The following MECOM variants were observed in gnomAD, a reference collection of about 807,000 sequenced individuals.
The protein encoded by MECOM is histone-lysine N-methyltransferase MECOM.
In MECOM, 13 loss-of-function variants were observed where a neutral mutation model predicts 116.3. The observed-to-expected ratio is 0.11, with a 90% CI of 0.07 to 0.18. MECOM has a LOEUF of 0.18. Ranked by LOEUF, MECOM falls within the 10% of genes least tolerant of loss-of-function variation. MECOM has a pLI of 1.00. For synonymous variants in MECOM, 528 were observed against 535.2 expected (o/e 0.99, Z 0.19); for missense variants, 1,299 against 1,509.0 (o/e 0.86, Z 2.31).
intron 2 of MECOM, among the ~76,000 whole-genome samples, chr3:169,329,889 A>G (rs1345049914): frequency 1.3e-5 from 2 of 152,234 alleles, no homozygotes; most frequent in African/African-American, 2.4e-5. Context: ...GAGGGGGTAG[A>G]GAAGTAAGCA....
chr3:169,630,143 G>T lies in MECOM; in HGVS notation c.37+33193C>A, dbSNP rs910077528. 2.6e-5 allele frequency among the ~76,000 whole-genome samples: 4 copies of T among 152,142 alleles called. 1 individual carries two copies. Among genetic ancestry groups the T allele is most frequent in the Non-Finnish European group, 5.9e-5 (4 of 68,020 alleles). Reference sequence around the variant, plus strand: ...TCAACACACAGCAGCTCCCTGTCATGACCCCCTGCTGCCGTTACAAAGTCA... The same window carrying T: ...TCAACACACAGCAGCTCCCTGTCATTACCCCCTGCTGCCGTTACAAAGTCA... On this transcript the variant is annotated intron_variant, in intron 1 of 16. Coordinates refer to ENST00000651503, the MANE Select transcript of MECOM (RefSeq NM_004991.4).
intron 1 of MECOM, among the ~76,000 whole-genome samples, chr3:169,603,408 C>T (rs368064065): frequency 6.6e-5 from 10 of 152,210 alleles, no homozygotes; most frequent in East Asian, 3.9e-4. Flanking sequence ...AATTACCATA[C>T]GCTAAGATTA....
chr3:169,377,843 A>T (rs1731303774), intron 2 of MECOM, among the ~76,000 whole-genome samples: 1 of 152,178 alleles, frequency 6.6e-6, no homozygotes, highest in Non-Finnish European at 1.5e-5. Context: ...AAGGATTATA[A>T]ATCATTCTGC....
chr3:169,402,816 T>C (rs1736107113), intron 1 of MECOM, among the ~76,000 whole-genome samples: 1 of 152,200 alleles, frequency 6.6e-6, no homozygotes. Flanking sequence ...ATGTTCAATA[T>C]TCTTTGGCAA....
chr3:169,461,315 GA>G (rs1747401985), intron 1 of MECOM, among the ~76,000 whole-genome samples: 1 of 152,278 alleles, frequency 6.6e-6, no homozygotes, highest in South Asian at 2.1e-4. Flanking sequence ...CCATGGTGCA[GA>G]TGGATGTTCA....
At chr3:169,231,045 C>T (rs56717003) in intron 2 of MECOM, among the ~76,000 whole-genome samples, 4,357 of 152,136 alleles carry the variant, frequency 0.029, 200 homozygotes, top group African/African-American at 0.1. Context: ...ATGCCCTCTA[C>T]AAAAGATTCC....
At chr3:169,471,900 C>T (rs566887112) in intron 1 of MECOM, among the ~76,000 whole-genome samples, 4 of 152,224 alleles carry the variant, frequency 2.6e-5, no homozygotes, top group East Asian at 1.9e-4. Flanking sequence ...TTTATTTATG[C>T]CCCCTTCATT....
intron 1 of MECOM, among the ~76,000 whole-genome samples, chr3:169,438,687 T>C (rs1578102780): frequency 9.6e-6 from 1 of 104,016 alleles, no homozygotes; most frequent in African/African-American, 2.8e-5. Flanking sequence ...ATGGATGGGG[T>C]ACTGGCTGGC....
At chr3:169,495,093 T>C (rs1753650648) in intron 1 of MECOM, among the ~76,000 whole-genome samples, 2 of 152,172 alleles carry the variant, frequency 1.3e-5, no homozygotes, top group Non-Finnish European at 2.9e-5. Context: ...CCTCTAAACC[T>C]TCTCAATACC....
chr3:169,103,971 A>G (rs998112110), intron 10 of MECOM, among the ~76,000 whole-genome samples: 3 of 152,166 alleles, frequency 2.0e-5, no homozygotes, highest in African/African-American at 7.2e-5. Flanking sequence ...ACTACTGCCA[A>G]TTTGCCAAAT....
intron 1 of MECOM, among the ~76,000 whole-genome samples, chr3:169,441,831 A>G (rs906010053): frequency 6.6e-6 from 1 of 151,474 alleles, no homozygotes; most frequent in African/African-American, 2.4e-5. Flanking sequence ...CTCGGGATCA[A>G]GTGATTCTCC....
At chr3:169,324,492 A>G (rs1239426905) in intron 2 of MECOM, among the ~76,000 whole-genome samples, 1 of 152,262 alleles carries the variant, frequency 6.6e-6, no homozygotes, top group African/African-American at 2.4e-5. Flanking sequence ...TTTTATAGAC[A>G]ATATCTTTCA....
chr3:169,106,525 C>T (rs1158671448), intron 10 of MECOM, among the ~76,000 whole-genome samples: 2 of 151,938 alleles, frequency 1.3e-5, no homozygotes, highest in Admixed American at 6.6e-5. Context: ...TTTTATAATA[C>T]AAATGTAAAT....
At chr3:169,445,798 C>T (rs1403951362) in intron 1 of MECOM, among the ~76,000 whole-genome samples, 1 of 152,094 alleles carries the variant, frequency 6.6e-6, no homozygotes, top group South Asian at 2.1e-4. Context: ...GCAGAGCTGC[C>T]CAAGACCATG....
chr3:169,404,917 T>C (rs1736452477), intron 1 of MECOM, among the ~76,000 whole-genome samples: 1 of 152,168 alleles, frequency 6.6e-6, no homozygotes. Context: ...CAGACTCCAC[T>C]AAATAAAGCA....
At position 169,131,940 on chromosome 3, in the gene MECOM, T is replaced by C. The variant is rs141618718; in HGVS notation, c.511-409A>G. 2.1e-5 allele frequency: 21 copies of C among 997,672 alleles called. No homozygotes were observed. In the African/African-American group the frequency reaches 3.1e-4, roughly 15 times the overall value. 61.8% of individuals were successfully genotyped at this position (997,672 alleles called of 1,614,324 possible). A position where few individuals can be genotyped will look rare whatever the true frequency, so the allele number is the denominator to read the frequency against. On this transcript the variant is annotated intron_variant, in intron 3 of 16. Transcript: ENST00000651503. ...TCCAGCAGTAGCCTAGCTTACCTTG[T>C]ACCTTCCCCACTTAAGCAAGTTTGC...
At chr3:169,564,567 T>C (rs574050742) in intron 1 of MECOM, among the ~76,000 whole-genome samples, 7 of 152,304 alleles carry the variant, frequency 4.6e-5, no homozygotes, top group African/African-American at 1.2e-4. Context: ...GTTAGTCAAA[T>C]AGAGTTTACT....
chr3:169,552,504 G>T (rs1761530894), intron 1 of MECOM, among the ~76,000 whole-genome samples: 1 of 152,062 alleles, frequency 6.6e-6, no homozygotes, highest in African/African-American at 2.4e-5. Flanking sequence ...AGAGTTAAAA[G>T]AACAACTCTA....
chr3:169,274,580 T>C (rs886524874), intron 2 of MECOM, among the ~76,000 whole-genome samples: 2 of 151,988 alleles, frequency 1.3e-5, no homozygotes, highest in African/African-American at 2.4e-5. Context: ...CTAAAGGGGG[T>C]AGTTTTCCTT....
Sources: allele counts gnomAD v4.1 joint callset (sites outside exome capture counted in the v4.1 genomes callset), GRCh38; gene constraint gnomAD v4.1.1; transcripts MANE v1.5; gene names NCBI Gene and HGNC (gene_info 2026-07-23, HGNC 2026-07-21).